Variants in ID1 observed in about 807,000 individuals in gnomAD.
ID1 encodes the protein DNA-binding protein inhibitor ID-1.
Under a neutral mutation model 11.3 loss-of-function variants are expected in ID1, and 8 were observed. The ratio of observed to expected loss-of-function variants is 0.71; its 90% CI spans 0.42 to 1.28. The LOEUF (loss-of-function observed/expected upper bound fraction) is 1.28. Ranked by LOEUF, ID1 falls within the 50% of genes most tolerant of loss-of-function variation. ID1 has a pLI of 0.01. For synonymous variants in ID1, 176 were observed against 100.2 expected, an observed-to-expected ratio of 1.76 and a Z score of -4.52; for missense variants, 347 against 219.8, an observed-to-expected ratio of 1.58 and a Z score of -3.66.
rs1986060750 is a variant in ID1, at chr20:31,605,508, G to T, written c.121G>T (p.Ala41Ser). ...GCGCTGTCTGTCTGAGCAGAGCGTG[G>T]CCATCTCGCGCTGCGCCGGGGGCGC... ...VVRCLSEQSV[A>S]ISRCAGGAGA... The change falls in exon 1 of 2, where the codon GCC becomes TCC. Residue 41 changes from alanine (A) to serine (S), a missense_variant. Physicochemically the swap from Ala to Ser is moderately conservative, Grantham distance 99. Transcript: ENST00000376112. 6.3e-6 allele frequency: 10 copies of T among 1,588,010 alleles called. No individual in the cohort carries two copies. In the South Asian group the frequency reaches 1.0e-4, roughly 16 times the overall value.
At position 31,605,377 on chromosome 20, in the gene ID1, C is replaced by A. The variant is rs1222916431; in HGVS notation, c.-11C>A. On this transcript the variant is annotated 5_prime_UTR_variant, in exon 1 of 2. Transcript: ENST00000376112. ...CTTTGCCCATTCTGTTTCAGCCAGTCGCCAAGAATCATGAAAGTCGCCAGT... is the reference window on the plus strand; with the variant it reads ...CTTTGCCCATTCTGTTTCAGCCAGTAGCCAAGAATCATGAAAGTCGCCAGT... The A allele has an allele frequency of 1.3e-6, 2 of 1,594,744 alleles. No homozygotes were observed. The highest frequency in any genetic ancestry group is 1.1e-5 in the South Asian group (1 of 90,176).
rs765518961 is a variant in ID1 at position 31,605,337 on chromosome 20, A to C, written c.-51A>C. ...TTTTCCGTATCTGCTTCGGGCTTCC[A>C]CCTCATTTTTTTCGCTTTGCCCATT... On this transcript the variant is annotated 5_prime_UTR_variant, in exon 1 of 2. Transcript: ENST00000376112. 18 of 1,519,550 alleles carry C rather than the reference A, an allele frequency of 1.2e-5. No individual in the cohort carries two copies. The South Asian group carries it at 1.9e-4, about 16-fold the overall frequency. 94.1% of individuals were successfully genotyped at this position (1,519,550 alleles called of 1,614,324 possible).
In ID1 at chr20:31,605,355, TG is replaced by T; in HGVS notation, c.-32del. On this transcript the variant is annotated 5_prime_UTR_variant, in exon 1 of 2. Transcript: ENST00000376112. ...GGCTTCCACCTCATTTTTTTCGCTT[TG>T]CCCATTCTGTTTCAGCCAGTCGCCA... The T allele has an allele frequency of 6.4e-7, 1 of 1,573,536 alleles. No individual in the cohort carries two copies. The highest frequency in any genetic ancestry group is 8.6e-7 in the Non-Finnish European group (1 of 1,166,670).
Position 31,605,309 on chromosome 20 carries a change from C to A in ID1, c.-79C>A, listed in dbSNP as rs193117704. On this transcript the variant is annotated 5_prime_UTR_variant, in exon 1 of 2. Transcript: ENST00000376112. ...CTCTCATTCCACGTTCTTAACTGTT[C>A]CATTTTCCGTATCTGCTTCGGGCTT... 5.2e-6 allele frequency: 7 copies of A among 1,341,974 alleles called. No individual in the cohort carries two copies. The Admixed American group carries it at 1.4e-4, about 27-fold the overall frequency. 83.1% of individuals were successfully genotyped at this position (1,341,974 alleles called of 1,614,324 possible).
In ID1 at chr20:31,606,361, ATTTT is replaced by A; in HGVS notation, c.*268_*271del. 2 of 549,666 alleles carry A rather than the reference ATTTT, an allele frequency of 3.6e-6. No individual in the cohort carries two copies. Among genetic ancestry groups the A allele is most frequent in the Non-Finnish European group, 6.6e-6 (2 of 302,266 alleles). 34.0% of individuals were successfully genotyped at this position (549,666 alleles called of 1,614,324 possible). A position where few individuals can be genotyped will look rare whatever the true frequency, so the allele number is the denominator to read the frequency against. On this transcript the variant is annotated 3_prime_UTR_variant, in exon 2 of 2. Coordinates refer to ENST00000376112, the MANE Select transcript of ID1 (RefSeq NM_002165.4). ...TGTTTCTATTTTTTGAAAAGCAGAC[ATTTT>A]AAAAAATGGTCACGTTTGGTGCTTC... is the stretch of plus-strand genomic sequence containing the variant.
At position 31,605,631 on chromosome 20, in the gene ID1, A is replaced by C. The variant is rs200871145; in HGVS notation, c.244A>C (p.Thr82Pro). The C allele has an allele frequency of 6.3e-7, 1 of 1,594,166 alleles. No homozygotes were observed. Among genetic ancestry groups the C allele is most frequent in the Non-Finnish European group, 8.5e-7 (1 of 1,170,740 alleles). The stretch of plus-strand genomic sequence containing the variant: ...CTCACGCCTCAAGGAGCTGGTGCCC[A>C]CCCTGCCCCAGAACCGCAAGGTGAG... ...CYSRLKELVP[T>P]LPQNRKVSKV... Residue 82 changes from threonine to proline, a missense_variant, in exon 1 of 2, where the codon ACC (threonine) becomes CCC (proline). Coordinates refer to ENST00000376112, the MANE Select transcript of ID1 (RefSeq NM_002165.4).
chr20:31,606,149 A>G lies in ID1; in HGVS notation c.*55A>G. The G allele has an allele frequency of 1.3e-6, 2 of 1,563,346 alleles. No individual in the cohort carries two copies. Among genetic ancestry groups the G allele is most frequent in the Non-Finnish European group, 1.8e-6 (2 of 1,138,982 alleles). On this transcript the variant is annotated 3_prime_UTR_variant, in exon 2 of 2. Coordinates refer to ENST00000376112, the MANE Select transcript of ID1 (RefSeq NM_002165.4). Reference sequence around the variant, plus strand: ...AGCCATCCAGGGGGCAAGAGGAATTACGTGCTCTGTGGGTCTCCCCCAACG... The same window carrying G: ...AGCCATCCAGGGGGCAAGAGGAATTGCGTGCTCTGTGGGTCTCCCCCAACG...
Position 31,605,544 on chromosome 20 carries a change from C to T in ID1, c.157C>T (p.Leu53=), listed in dbSNP as rs1285584511. Residue 53 remains leucine, a synonymous_variant, in exon 1 of 2, where the codon CTG becomes TTG. Coordinates refer to ENST00000376112, the MANE Select transcript of ID1 (RefSeq NM_002165.4). The stretch of plus-strand genomic sequence containing the variant: ...CTGCGCCGGGGGCGCCGGGGCGCGC[C>T]TGCCTGCCCTGCTGGACGAGCAGCA... ...SRCAGGAGAR[L]PALLDEQQVN... The T allele has an allele frequency of 6.4e-7, 1 of 1,556,548 alleles. No homozygotes were observed. Among genetic ancestry groups the T allele is most frequent in the African/African-American group, 1.4e-5 (1 of 73,764 alleles).
chr20:31,605,763 C>T lies in ID1; in HGVS notation c.376C>T (p.Arg126Trp), dbSNP rs767641692. 9.3e-6 allele frequency: 15 copies of T among 1,610,276 alleles called. No individual in the cohort carries two copies. The highest frequency in any genetic ancestry group is 4.0e-5 in the African/African-American group (3 of 74,882). The part of the protein sequence containing the change: ...GTPGGRGLPV[R>W]APLSTLNGEI... The stretch of plus-strand genomic sequence containing the variant: ...CCCCGGGGGCCGAGGGCTGCCGGTC[C>T]GGGCTCCGCTCAGCACCCTCAACGG... The change falls in exon 1 of 2, where the codon CGG (arginine) becomes TGG (tryptophan). Residue 126 changes from arginine to tryptophan, a missense_variant. Physicochemically the swap from Arg to Trp is moderately radical, Grantham distance 101 (BLOSUM62 -3). Coordinates refer to ENST00000376112, the MANE Select transcript of ID1 (RefSeq NM_002165.4).
Position 31,605,675 on chromosome 20 carries a change from G to C in ID1, c.288G>C (p.Gln96His), listed in dbSNP as rs1044846282. ...NRKVSKVEIL[Q>H]HVIDYIRDLQ... ...AGGTGAGCAAGGTGGAGATTCTCCA[G>C]CACGTCATCGACTACATCAGGGACC... The change falls in exon 1 of 2, where the codon CAG (glutamine) becomes CAC (histidine). Residue 96 changes from glutamine to histidine, a missense_variant. By Grantham distance (24) the Gln-to-His change is conservative. Transcript: ENST00000376112. The C allele has an allele frequency of 6.2e-7, 1 of 1,610,444 alleles. No homozygotes were observed. Among genetic ancestry groups the C allele is most frequent in the Non-Finnish European group, 8.5e-7 (1 of 1,178,308 alleles).
Position 31,606,409 on chromosome 20 carries a change from T to A in ID1, c.*315T>A, listed in dbSNP as rs1211129540. On this transcript the variant is annotated 3_prime_UTR_variant, in exon 2 of 2. Coordinates refer to ENST00000376112, the MANE Select transcript of ID1 (RefSeq NM_002165.4). Reference sequence around the variant, plus strand: ...GTGCTTCTCAGATTTCTGAGGAAATTGCTTTGTATTGTATATTACAATGAT... The same window carrying A: ...GTGCTTCTCAGATTTCTGAGGAAATAGCTTTGTATTGTATATTACAATGAT... 3 of 484,164 alleles carry A rather than the reference T, an allele frequency of 6.2e-6. No homozygotes were observed. The highest frequency in any genetic ancestry group is 7.4e-5 in the East Asian group (2 of 27,154). The allele number at this position is 484,164 out of a possible 1,614,324, so 30.0% of individuals were successfully genotyped here. A position where few individuals can be genotyped will look rare whatever the true frequency, so the allele number is the denominator to read the frequency against.
In ID1 at chr20:31,605,566, A is replaced by C. The variant is rs1986066337; in HGVS notation, c.179A>C (p.Gln60Pro). The change falls in exon 1 of 2, where the codon CAG becomes CCG. Residue 60 changes from glutamine (Q) to proline (P), a missense_variant. Physicochemically the swap from Gln to Pro is moderately conservative, Grantham distance 76. Transcript: ENST00000376112. Reference sequence around the variant, plus strand: ...CGCCTGCCTGCCCTGCTGGACGAGCAGCAGGTAAACGTGCTGCTCTACGAC... The same window carrying C: ...CGCCTGCCTGCCCTGCTGGACGAGCCGCAGGTAAACGTGCTGCTCTACGAC... ...GARLPALLDEQQVNVLLYDMN... is the reference protein window; with the variant it reads ...GARLPALLDEPQVNVLLYDMN... 1.3e-6 allele frequency: 2 copies of C among 1,559,016 alleles called. No individual in the cohort carries two copies. The highest frequency in any genetic ancestry group is 1.7e-6 in the Non-Finnish European group (2 of 1,150,246).
chr20:31,605,566 A>G lies in ID1; in HGVS notation c.179A>G (p.Gln60Arg). The G allele has an allele frequency of 6.4e-7, 1 of 1,559,016 alleles. No individual in the cohort carries two copies. Among genetic ancestry groups the G allele is most frequent in the Admixed American group, 1.9e-5 (1 of 51,622 alleles). ...CGCCTGCCTGCCCTGCTGGACGAGC[A>G]GCAGGTAAACGTGCTGCTCTACGAC... ...GARLPALLDE[Q>R]QVNVLLYDMN... The change falls in exon 1 of 2, where the codon CAG becomes CGG. Residue 60 changes from glutamine (Q) to arginine (R), a missense_variant. By Grantham distance (43) the Gln-to-Arg change is conservative. Transcript: ENST00000376112.
chr20:31,606,214 G>C lies in ID1; in HGVS notation c.*120G>C. On this transcript the variant is annotated 3_prime_UTR_variant, in exon 2 of 2. Transcript: ENST00000376112. Reference sequence around the variant, plus strand: ...TGAGGGAGAACAAGACCGATCGGCGGCCACTGCGCCCTTAACTGCATCCAG... The same window carrying C: ...TGAGGGAGAACAAGACCGATCGGCGCCCACTGCGCCCTTAACTGCATCCAG... 9.4e-7 allele frequency: 1 copy of C among 1,064,920 alleles called. No individual in the cohort carries two copies. The highest frequency in any genetic ancestry group is 1.4e-6 in the Non-Finnish European group (1 of 707,586). The allele number at this position is 1,064,920 out of a possible 1,614,324, so 66.0% of individuals were successfully genotyped here. A position where few individuals can be genotyped will look rare whatever the true frequency, so the allele number is the denominator to read the frequency against.
chr20:31,605,730 G>A lies in ID1; in HGVS notation c.343G>A (p.Val115Ile). 6.2e-7 allele frequency: 1 copy of A among 1,611,310 alleles called. No homozygotes were observed. The highest frequency in any genetic ancestry group is 8.5e-7 in the Non-Finnish European group (1 of 1,178,784). The change falls in exon 1 of 2, where the codon GTT becomes ATT. Residue 115 changes from valine to isoleucine, a missense_variant. Coordinates refer to ENST00000376112, the MANE Select transcript of ID1 (RefSeq NM_002165.4). ...GTTGGAGCTGAACTCGGAATCCGAA[G>A]TTGGAACCCCCGGGGGCCGAGGGCT... ...LQLELNSESE[V>I]GTPGGRGLPV... is the part of the protein sequence containing the mutation.
chr20:31,605,910 T>TG, intron 1 of ID1, 97 bp downstream of exon 1: 1 of 1,581,782 alleles, frequency 6.3e-7, no homozygotes, highest in Non-Finnish European at 8.6e-7. Flanking sequence ...GTCCCATCCT[T>TG]GCGGGTACCT....
rs1986057386 is a variant in ID1, at chr20:31,605,487, T to C, written c.100T>C (p.Cys34Arg). The C allele has an allele frequency of 6.9e-6, 11 of 1,605,756 alleles. No homozygotes were observed. Among genetic ancestry groups the C allele is most frequent in the Non-Finnish European group, 8.5e-6 (10 of 1,175,840 alleles). The change falls in exon 1 of 2, where the codon TGT becomes CGT. Residue 34 changes from cysteine to arginine, a missense_variant. By Grantham distance (180) the Cys-to-Arg change is radical (BLOSUM62 -3). Transcript: ENST00000376112. ...TASGAGEVVR[C>R]LSEQSVAISR... ...GAGCGGTGCGGGCGAGGTGGTGCGC[T>C]GTCTGTCTGAGCAGAGCGTGGCCAT...
chr20:31,606,170 C>T lies in ID1; in HGVS notation c.*76C>T. On this transcript the variant is annotated 3_prime_UTR_variant, in exon 2 of 2. Transcript: ENST00000376112. ...AATTACGTGCTCTGTGGGTCTCCCCCAACGCGCCTCGCCGGATCTGAGGGA... is the reference window on the plus strand; with the variant it reads ...AATTACGTGCTCTGTGGGTCTCCCCTAACGCGCCTCGCCGGATCTGAGGGA... The T allele has an allele frequency of 6.9e-7, 1 of 1,451,570 alleles. No homozygotes were observed. The highest frequency in any genetic ancestry group is 1.2e-5 in the South Asian group (1 of 86,306). 89.9% of individuals were successfully genotyped at this position (1,451,570 alleles called of 1,614,324 possible).
Position 31,606,074 on chromosome 20 carries a change from G to A in ID1, c.448G>A (p.Asp150Asn), listed in dbSNP as rs1249151031. 3 of 1,609,686 alleles carry A rather than the reference G, an allele frequency of 1.9e-6. No individual in the cohort carries two copies. Among genetic ancestry groups the A allele is most frequent in the Non-Finnish European group, 2.5e-6 (3 of 1,180,008 alleles). The change falls in exon 2 of 2, where the codon GAT becomes AAT. Residue 150 changes from aspartate (D) to asparagine (N), a missense_variant. Physicochemically the swap from Asp to Asn is conservative, Grantham distance 23. Coordinates refer to ENST00000376112, the MANE Select transcript of ID1 (RefSeq NM_002165.4). ...TAEAACVPAD[D>N]RILCR The stretch of plus-strand genomic sequence containing the variant: ...ACAGGCGGCATGCGTTCCTGCGGAC[G>A]ATCGCATCTTGTGTCGCTGAAGCGC...
Sources: allele counts gnomAD v4.1 joint callset, GRCh38; gene constraint gnomAD v4.1.1; transcripts MANE v1.5; gene names NCBI Gene and HGNC (gene_info 2026-07-23, HGNC 2026-07-21).